The following FAM227B variants were observed in gnomAD, a reference collection of about 807,000 sequenced individuals.
FAM227B encodes protein FAM227B.
Under a neutral mutation model 73.8 loss-of-function variants are expected in FAM227B, and 88 were observed. The ratio of observed to expected loss-of-function variants is 1.19; its 90% CI spans 1.00 to 1.42. The LOEUF is 1.42. Ranked by LOEUF, FAM227B falls within the 40% of genes most tolerant of loss-of-function variation. The pLI is 0.00. For synonymous variants in FAM227B, 210 were observed against 190.5 expected (o/e 1.10, Z -0.84); for missense variants, 632 against 590.9 (o/e 1.07, Z -0.72).
At position 49,371,399 on chromosome 15, in the gene FAM227B, C is replaced by T. The variant is rs1380312279; in HGVS notation, c.1013G>A (p.Ser338Asn). The T allele has an allele frequency of 2.0e-6, 3 of 1,511,262 alleles. No homozygotes were observed. The highest frequency in any genetic ancestry group is 2.0e-5 in the Admixed American group (1 of 51,016). The allele number at this position is 1,511,262 out of a possible 1,614,324, so 93.6% of individuals were successfully genotyped here. The change falls in exon 12 of 16, where the codon AGT becomes AAT. Residue 338 changes from serine to asparagine, a missense_variant and splice_region_variant. Transcript: ENST00000299338. ...AATCTTTATAATATTGAAGTCGATA[C>T]CTAAAACAGAAAATAAAATACTTTT... ...IADSQEHIST[S>N]IDFNIIKILN...
intron 12 of FAM227B, 46 bp downstream of exon 12, chr15:49,371,256 A>G (rs2045783870): frequency 1.7e-6 from 2 of 1,183,480 alleles, no homozygotes; most frequent in African/African-American, 3.0e-5. Flanking sequence ...AATATATTGC[A>G]AATTAAACAA....
intron 13 of FAM227B, among the ~76,000 whole-genome samples, chr15:49,357,572 G>A (rs1422584329): frequency 1.3e-5 from 2 of 151,442 alleles, no homozygotes; most frequent in Non-Finnish European, 3.0e-5. Context: ...CCAATAACAG[G>A]AGCTGAAATT....
intron 1 of FAM227B, among the ~76,000 whole-genome samples, chr15:49,617,808 CAG>C (rs1383416022): frequency 2.1e-5 from 3 of 143,322 alleles, no homozygotes; most frequent in Non-Finnish European, 4.7e-5. Flanking sequence ...GTGTGTGTGA[CAG>C]AGTTTCACTC....
chr15:49,465,680 A>G (rs1412145743), intron 11 of FAM227B, among the ~76,000 whole-genome samples: 1 of 152,204 alleles, frequency 6.6e-6, no homozygotes, highest in Non-Finnish European at 1.5e-5. Flanking sequence ...ACAATCTGAG[A>G]TAAAGTATTA....
chr15:49,604,438 A>G (rs1162521684), intron 3 of FAM227B, among the ~76,000 whole-genome samples: 2 of 152,078 alleles, frequency 1.3e-5, no homozygotes, highest in Non-Finnish European at 2.9e-5. Context: ...TTATAACTGT[A>G]TATAATAAAT....
intron 11 of FAM227B, among the ~76,000 whole-genome samples, chr15:49,428,872 T>C (rs1175474012): frequency 6.6e-6 from 1 of 152,040 alleles, no homozygotes; most frequent in Non-Finnish European, 1.5e-5. Context: ...TATTCTCTTT[T>C]GGACTGTTAG....
At chr15:49,560,129 C>T (rs1441301484) in intron 9 of FAM227B, among the ~76,000 whole-genome samples, 1 of 152,036 alleles carries the variant, frequency 6.6e-6, no homozygotes, top group Admixed American at 6.6e-5. Context: ...CACAAAGAAA[C>T]TTCTAAAGGA....
At chr15:49,409,580 C>A (rs1381531564) in intron 11 of FAM227B, among the ~76,000 whole-genome samples, 1 of 150,624 alleles carries the variant, frequency 6.6e-6, no homozygotes, top group Non-Finnish European at 1.5e-5. Flanking sequence ...TATATAGAAA[C>A]TTGAAACAGT....
At chr15:49,533,388 A>C (rs909041811) in intron 10 of FAM227B, among the ~76,000 whole-genome samples, 1 of 151,398 alleles carries the variant, frequency 6.6e-6, no homozygotes, top group East Asian at 1.9e-4. Context: ...TGTTAGGTCC[A>C]TTTTGTCTTC....
intron 11 of FAM227B, among the ~76,000 whole-genome samples, chr15:49,468,116 T>G (rs2054426810): frequency 6.6e-6 from 1 of 152,308 alleles, no homozygotes; most frequent in East Asian, 1.9e-4. Context: ...AATGTTTTAT[T>G]TTCTTAATAA....
At chr15:49,434,262 A>G (rs900637604) in intron 11 of FAM227B, 7 of 151,622 alleles carry the variant, frequency 4.6e-5, no homozygotes, top group African/African-American at 1.7e-4. Context: ...TAATGAAGAT[A>G]TGCAAAATTT....
At chr15:49,439,435 G>T (rs1026087504) in intron 11 of FAM227B, among the ~76,000 whole-genome samples, 6 of 151,762 alleles carry the variant, frequency 4.0e-5, no homozygotes, top group African/African-American at 1.2e-4. Context: ...AACGTGGGGG[G>T]AGGGAACTAC....
chr15:49,396,503 A>T (rs1278538816), intron 11 of FAM227B: 1 of 169,078 alleles, frequency 5.9e-6, no homozygotes, highest in Admixed American at 5.7e-5. Flanking sequence ...CCACAGCTCA[A>T]GGAGGCCTGC....
chr15:49,571,710 T>G (rs1343203584), intron 8 of FAM227B, among the ~76,000 whole-genome samples: 1 of 152,018 alleles, frequency 6.6e-6, no homozygotes, highest in African/African-American at 2.4e-5. Context: ...TATATGTGTC[T>G]GTTTTTATGC....
rs181382680 is a variant in FAM227B, at chr15:49,600,902, T to A, written c.105+10313A>T. Among the ~76,000 whole-genome samples, 82 of 150,572 alleles carry A rather than the reference T, an allele frequency of 5.4e-4. 1 individual carries two copies. The East Asian group carries it at 0.016, about 29-fold the overall frequency. ...CTAAAAATACCAAAAATTAGCTGGG[T>A]GTGGTGGTGTGCGCCTGTAATCCCA... On this transcript the variant is annotated intron_variant, in intron 3 of 15. Coordinates refer to ENST00000299338, the MANE Select transcript of FAM227B (RefSeq NM_152647.3).
chr15:49,365,104 T>C (rs113149615), intron 13 of FAM227B: 15 of 682,876 alleles, frequency 2.2e-5, no homozygotes, highest in African/African-American at 1.2e-4. Context: ...TGACACATTA[T>C]AGCAGTTCCA....
At chr15:49,434,672 T>C (rs956564581) in intron 11 of FAM227B, 5 of 151,616 alleles carry the variant, frequency 3.3e-5, no homozygotes, top group African/African-American at 4.8e-5. Flanking sequence ...TTTTTTTCTA[T>C]TAAAAATATA....
At position 49,331,856 on chromosome 15, in the gene FAM227B, A is replaced by G. The variant is rs1389729583; in HGVS notation, c.1350-7T>C. ...GGTAGCCTTTGCTTGGAGTCTAATC[A>G]TGGAATAAAGAAAATCAGTAACCAA... is the stretch of plus-strand genomic sequence containing the variant. On this transcript the variant is annotated splice_polypyrimidine_tract_variant and splice_region_variant and intron_variant, in intron 14 of 15. Transcript: ENST00000299338. 6.3e-7 allele frequency: 1 copy of G among 1,588,968 alleles called. No homozygotes were observed. The highest frequency in any genetic ancestry group is 2.2e-5 in the East Asian group (1 of 44,732).
At chr15:49,507,382 G>A (rs752849997) in intron 11 of FAM227B, among the ~76,000 whole-genome samples, 8 of 152,064 alleles carry the variant, frequency 5.3e-5, no homozygotes, top group Non-Finnish European at 1.0e-4. Context: ...TCAAGGTATA[G>A]GTTAGAAAGG....
Sources: allele counts gnomAD v4.1 joint callset (sites outside exome capture counted in the v4.1 genomes callset), GRCh38; gene constraint gnomAD v4.1.1; transcripts MANE v1.5; gene names NCBI Gene and HGNC (gene_info 2026-07-23, HGNC 2026-07-21).